NUP62CL: variants seen among roughly 807,000 people sequenced by gnomAD.
NUP62CL encodes the protein nucleoporin-62 C-terminal-like protein.
Under a neutral mutation model 15.3 loss-of-function variants are expected in NUP62CL, and 13 were observed. That is an observed-to-expected ratio of 0.85 (90% CI 0.55 to 1.35). NUP62CL has a LOEUF of 1.35. Among genes scored for constraint, NUP62CL ranks in the 40% most tolerant of loss-of-function variants. NUP62CL has a pLI of 0.00. For synonymous variants in NUP62CL, 54 were observed against 49.2 expected (o/e 1.10, Z -0.41); for missense variants, 123 against 130.6 (o/e 0.94, Z 0.28).
At chrX:107,155,582 T>G (rs1387727352) in intron 4 of NUP62CL, among the ~76,000 whole-genome samples, 2 of 111,882 alleles carry the variant, frequency 1.8e-5, no homozygotes, top group Non-Finnish European at 3.8e-5. Flanking sequence ...TGGTAAGTGC[T>G]CCACTTTTGC....
chrX:107,176,694 C>T (rs1480145441), intron 2 of NUP62CL, among the ~76,000 whole-genome samples: 1 of 109,795 alleles, frequency 9.1e-6, no homozygotes, highest in African/African-American at 3.3e-5. Flanking sequence ...TGAATTATAC[C>T]TCAATTATGC....
chrX:107,168,770 T>C (rs1311135282), intron 3 of NUP62CL, among the ~76,000 whole-genome samples: 1 of 112,587 alleles, frequency 8.9e-6, no homozygotes, highest in Non-Finnish European at 1.9e-5. Context: ...TGATTGTTTG[T>C]TTTATGTTAG....
chrX:107,124,691 C>T (rs1409371355), intron 8 of NUP62CL, among the ~76,000 whole-genome samples: 1 of 111,009 alleles, frequency 9.0e-6, no homozygotes, highest in Non-Finnish European at 1.9e-5. Flanking sequence ...TCTTAGCTAC[C>T]TATAAGCAAA....
At chrX:107,163,977 A>G (rs1189464455) in intron 4 of NUP62CL, among the ~76,000 whole-genome samples, 2 of 112,286 alleles carry the variant, frequency 1.8e-5, no homozygotes, top group East Asian at 5.6e-4. Context: ...CCAATAACAC[A>G]GTATCTGAAA....
At chrX:107,186,867 T>G (rs1927077088) in intron 2 of NUP62CL, among the ~76,000 whole-genome samples, 1 of 111,757 alleles carries the variant, frequency 8.9e-6, no homozygotes, top group South Asian at 3.7e-4. Flanking sequence ...CCAGCCTGGG[T>G]GACAGAGCTA....
chrX:107,202,523 T>G (rs1927509383), intron 1 of NUP62CL: 1 of 110,560 alleles, frequency 9.0e-6, no homozygotes, highest in Non-Finnish European at 1.9e-5. Flanking sequence ...ATTCATATAT[T>G]TTTTAAAGTA....
intron 4 of NUP62CL, 64 bp from the exon 5 acceptor site, chrX:107,154,310 A>G: frequency 1.1e-6 from 1 of 939,942 alleles, no homozygotes; most frequent in Admixed American, 3.0e-5. Flanking sequence ...ATCAGATTTT[A>G]AAAACGAACA....
chrX:107,138,864 G>A (rs1482524100), intron 8 of NUP62CL, among the ~76,000 whole-genome samples: 1 of 112,092 alleles, frequency 8.9e-6, no homozygotes, highest in Non-Finnish European at 1.9e-5. Context: ...GTTCACAGCA[G>A]TTTTATTCAT....
At chrX:107,196,408 C>T (rs1360968830) in intron 1 of NUP62CL, among the ~76,000 whole-genome samples, 4 of 111,077 alleles carry the variant, frequency 3.6e-5, no homozygotes, top group Non-Finnish European at 7.5e-5. Context: ...AATCCCATTG[C>T]TTTTTCCTTT....
At chrX:107,186,168 A>T (rs1270872853) in intron 2 of NUP62CL, among the ~76,000 whole-genome samples, 2 of 111,889 alleles carry the variant, frequency 1.8e-5, no homozygotes, top group African/African-American at 3.2e-5. Context: ...CTTATCAGAA[A>T]ATCAGCAAGG....
In NUP62CL at chrX:107,154,203, G is replaced by T. The variant is rs773237955; in HGVS notation, c.238C>A (p.Leu80Ile). 2 of 1,205,190 alleles carry T rather than the reference G, an allele frequency of 1.7e-6. No homozygotes were observed. Among genetic ancestry groups the T allele is most frequent in the Non-Finnish European group, 2.2e-6 (2 of 890,845 alleles). Residue 80 changes from leucine (L) to isoleucine (I), a missense_variant, in exon 5 of 9, where the codon CTT becomes ATT. Physicochemically the swap from Leu to Ile is conservative, Grantham distance 5. Coordinates refer to ENST00000372466, the MANE Select transcript of NUP62CL (RefSeq NM_017681.3). ...PVMTYGHLEG[L>I]INEWNLELED... Reference sequence around the variant, plus strand: ...AGCTCAAGGTTCCACTCATTTATAAGACCCTCCAGATGACCATATGTCATC... The same window carrying T: ...AGCTCAAGGTTCCACTCATTTATAATACCCTCCAGATGACCATATGTCATC...
At chrX:107,203,790 A>G (rs1207708331) in intron 1 of NUP62CL, among the ~76,000 whole-genome samples, 2 of 111,699 alleles carry the variant, frequency 1.8e-5, no homozygotes, top group Non-Finnish European at 3.8e-5. Context: ...ATAGGAGGGG[A>G]ACAGAATTAT....
chrX:107,161,431 A>C (rs1475615079), intron 4 of NUP62CL, among the ~76,000 whole-genome samples: 2 of 89,678 alleles, frequency 2.2e-5, no homozygotes, highest in Admixed American at 2.6e-4. Context: ...GCACATATAC[A>C]CCATGGAATA....
At chrX:107,173,697 C>G (rs1926702128) in intron 3 of NUP62CL, among the ~76,000 whole-genome samples, 1 of 111,757 alleles carries the variant, frequency 8.9e-6, no homozygotes, top group Admixed American at 9.5e-5. Context: ...AAATTGAAGT[C>G]TAAGTGGTAG....
intron 2 of NUP62CL, among the ~76,000 whole-genome samples, chrX:107,185,382 A>G (rs1217944317): frequency 9.0e-6 from 1 of 111,279 alleles, no homozygotes; most frequent in Non-Finnish European, 1.9e-5. Context: ...AGCTGAAGCA[A>G]AAATTATAAC....
chrX:107,173,980 G>GA (rs1387627780), intron 3 of NUP62CL, among the ~76,000 whole-genome samples: 2 of 109,143 alleles, frequency 1.8e-5, no homozygotes, highest in African/African-American at 3.3e-5. Flanking sequence ...AGGCCTGTAA[G>GA]AAAAAATTGC....
rs1456145186 is a variant in NUP62CL at position 107,147,779 on chromosome X, G to A, written c.*6C>T. The A allele has an allele frequency of 8.3e-7, 1 of 1,198,139 alleles. No homozygotes were observed. Among genetic ancestry groups the A allele is most frequent in the African/African-American group, 1.7e-5 (1 of 57,354 alleles). On this transcript the variant is annotated 3_prime_UTR_variant, in exon 8 of 9. Transcript: ENST00000372466. ...TCAATCCACTGCAGGGAGTCCATAT[G>A]GGCATTCAGAATTCTGCAGATCTGG... is the stretch of plus-strand genomic sequence containing the variant.
intron 4 of NUP62CL, among the ~76,000 whole-genome samples, chrX:107,157,215 T>A (rs1390989533): frequency 3.7e-5 from 4 of 107,745 alleles, no homozygotes; most frequent in Admixed American, 1.0e-4. Context: ...CAGGATATTA[T>A]CCAGGAGAAC....
rs193226983 is a variant in NUP62CL, at chrX:107,161,860, C to T, written c.194+5789G>A. On this transcript the variant is annotated intron_variant, in intron 4 of 8. Coordinates refer to ENST00000372466, the MANE Select transcript of NUP62CL (RefSeq NM_017681.3). Reference sequence around the variant, plus strand: ...AAAAAATTACCTATCATATCAAAACCGAGAAAACCCACAACTTGAAAGAGA... The same window carrying T: ...AAAAAATTACCTATCATATCAAAACTGAGAAAACCCACAACTTGAAAGAGA... Among the ~76,000 whole-genome samples the T allele has an allele frequency of 1.5e-3, 115 of 78,627 alleles. 1 individual carries two copies. Among genetic ancestry groups the T allele is most frequent in the African/African-American group, 5.0e-3 (109 of 21,884 alleles). The allele number at this position is 78,627 out of a possible 115,157, so 68.3% of individuals were successfully genotyped here. A position where few individuals can be genotyped will look rare whatever the true frequency, so the allele number is the denominator to read the frequency against.
Sources: allele counts gnomAD v4.1 joint callset (sites outside exome capture counted in the v4.1 genomes callset), GRCh38; gene constraint gnomAD v4.1.1; transcripts MANE v1.5; gene names NCBI Gene and HGNC (gene_info 2026-07-23, HGNC 2026-07-21).